Variants in ARID3A observed in about 807,000 individuals in gnomAD.
The protein encoded by ARID3A is AT-rich interactive domain-containing protein 3A.
A neutral mutation model predicts 52.7 loss-of-function variants in ARID3A; 11 were observed. That is an observed-to-expected ratio of 0.21 (90% confidence interval 0.13 to 0.35). The LOEUF is 0.35. Ranked by LOEUF, ARID3A falls within the 10% of genes least tolerant of loss-of-function variation. ARID3A has a pLI of 1.00. For synonymous variants in ARID3A, 404 were observed against 359.4 expected (o/e 1.12, Z -1.40); for missense variants, 721 against 838.5 (o/e 0.86, Z 1.73).
chr19:968,998 C>T (rs908337131), intron 8 of ARID3A, among the ~76,000 whole-genome samples: 1 of 151,838 alleles, frequency 6.6e-6, no homozygotes, highest in Non-Finnish European at 1.5e-5. Context: ...ATGTATAAGC[C>T]CAGGGGTTAG....
Position 941,128 on chromosome 19 carries a change from C to T in ARID3A, c.693+8386C>T, listed in dbSNP as rs1329252049. Among the ~76,000 whole-genome samples, 1 of 152,198 alleles carries T rather than the reference C, an allele frequency of 6.6e-6. No individual in the cohort carries two copies. Among genetic ancestry groups the T allele is most frequent in the Non-Finnish European group, 1.5e-5 (1 of 68,020 alleles). On this transcript the variant is annotated intron_variant, in intron 3 of 8. Transcript: ENST00000263620. The surrounding 1 kb of genome is among the most constrained non-coding windows in gnomAD (Gnocchi z 6.9). Reference sequence around the variant, plus strand: ...TGGCTGCTGCCAAGCGCCGGCCCCGCCCCATGCTTTCTAATAACACACGCG... The same window carrying T: ...TGGCTGCTGCCAAGCGCCGGCCCCGTCCCATGCTTTCTAATAACACACGCG...
rs577301163 is a variant in ARID3A, at chr19:938,875, C to T, written c.693+6133C>T. On this transcript the variant is annotated intron_variant, in intron 3 of 8. Coordinates refer to ENST00000263620, the MANE Select transcript of ARID3A (RefSeq NM_005224.3). This position sits in a 1 kb window ranked among gnomAD's most constrained non-coding sequence, Gnocchi z 4.0. ...TTTGGTCTTTTTTTGGTCTTTTCAGCTCATTTGTTTTTTTTAATTGTGGAA... is the reference window on the plus strand; with the variant it reads ...TTTGGTCTTTTTTTGGTCTTTTCAGTTCATTTGTTTTTTTTAATTGTGGAA... 6.6e-6 allele frequency among the ~76,000 whole-genome samples: 1 copy of T among 151,718 alleles called. No individual in the cohort carries two copies. Among genetic ancestry groups the T allele is most frequent in the Admixed American group, 6.6e-5 (1 of 15,254 alleles).
At chr19:969,581 G>C (rs1045495695) in intron 8 of ARID3A, among the ~76,000 whole-genome samples, 2 of 151,332 alleles carry the variant, frequency 1.3e-5, no homozygotes, top group African/African-American at 4.9e-5. Flanking sequence ...GATAGATATA[G>C]CTGTAGCTAT....
chr19:927,357 T>TTA (rs1555724866), intron 1 of ARID3A, among the ~76,000 whole-genome samples: 2 of 149,704 alleles, frequency 1.3e-5, no homozygotes, highest in Non-Finnish European at 3.0e-5. Context: ...AGTTTAGGGT[T>TTA]ATGGCGGCGA....
chr19:962,513 C>CTTTTTTTTTT (rs539409112), intron 4 of ARID3A, among the ~76,000 whole-genome samples: 1 of 115,282 alleles, frequency 8.7e-6, no homozygotes, highest in Non-Finnish European at 1.7e-5. Flanking sequence ...GCTGCTGATC[C>CTTTTTTTTTT]TTTTTTTTTT....
intron 3 of ARID3A, among the ~76,000 whole-genome samples, chr19:948,642 A>G (rs987537383): frequency 6.7e-6 from 1 of 150,212 alleles, no homozygotes. Context: ...TCATCTGTCC[A>G]GCTGTTCATT....
chr19:968,148 CAA>C (rs776586805), intron 7 of ARID3A, among the ~76,000 whole-genome samples: 2 of 151,742 alleles, frequency 1.3e-5, no homozygotes, highest in Non-Finnish European at 2.9e-5. Context: ...ATCACGAGGT[CAA>C]GAGATCGAGA....
At chr19:932,818 C>T in intron 3 of ARID3A, 76 bp downstream of exon 3, 1 of 1,537,734 alleles carries the variant, frequency 6.5e-7, no homozygotes, top group Non-Finnish European at 8.7e-7. Context: ...GCCCACGTTG[C>T]ACGGGGTGTG....
chr19:967,420 G>A (rs1015421486), intron 7 of ARID3A, among the ~76,000 whole-genome samples: 1 of 151,982 alleles, frequency 6.6e-6, no homozygotes, highest in South Asian at 2.1e-4. Context: ...TTAGCTGGGC[G>A]TGGTGACACG....
At position 950,603 on chromosome 19, in the gene ARID3A, C is replaced by T. The variant is rs143523468; in HGVS notation, c.694-9489C>T. Among the ~76,000 whole-genome samples the T allele has an allele frequency of 2.6e-5, 4 of 152,288 alleles. No individual in the cohort carries two copies. The South Asian group carries it at 6.2e-4, about 24-fold the overall frequency. On this transcript the variant is annotated intron_variant, in intron 3 of 8. Coordinates refer to ENST00000263620, the MANE Select transcript of ARID3A (RefSeq NM_005224.3). ...GGCAGGCAGGGAGTTGGGCTTTCTTCTGGGAGCAGTAGGGAGCCACGGTTG... is the reference window on the plus strand; with the variant it reads ...GGCAGGCAGGGAGTTGGGCTTTCTTTTGGGAGCAGTAGGGAGCCACGGTTG...
Position 975,478 on chromosome 19 carries a change from AT to A in ARID3A, c.*3420del. 1 of 227,682 alleles carries A rather than the reference AT, an allele frequency of 4.4e-6. No individual in the cohort carries two copies. The highest frequency in any genetic ancestry group is 8.7e-6 in the Non-Finnish European group (1 of 114,644). The allele number at this position is 227,682 out of a possible 1,614,324, so 14.1% of individuals were successfully genotyped here. ...CTTTTTTCCCCAATTGTGCTTTTGC[AT>A]TTTTTTCCTTGGCAAATGTAAACTC... is the stretch of plus-strand genomic sequence containing the variant. On this transcript the variant is annotated 3_prime_UTR_variant, in exon 9 of 9. Transcript: ENST00000263620.
intron 3 of ARID3A, among the ~76,000 whole-genome samples, chr19:955,373 G>T (rs1414223644): frequency 6.6e-6 from 1 of 152,160 alleles, no homozygotes; most frequent in African/African-American, 2.4e-5. Flanking sequence ...CGCCTCCCCC[G>T]CCAGCAGCTG....
intron 2 of ARID3A, among the ~76,000 whole-genome samples, chr19:931,881 C>T (rs1483172010): frequency 6.7e-6 from 1 of 149,136 alleles, no homozygotes; most frequent in East Asian, 1.9e-4. Context: ...GGGGCAGTGG[C>T]GAGGGTGGGG....
At chr19:940,420 C>G (rs1443425869) in intron 3 of ARID3A, among the ~76,000 whole-genome samples, 1 of 151,658 alleles carries the variant, frequency 6.6e-6, no homozygotes, top group South Asian at 2.1e-4. Flanking sequence ...GAGGGGTGGG[C>G]AGAGCTTGAG....
chr19:958,607 G>A (rs554090409), intron 3 of ARID3A, among the ~76,000 whole-genome samples: 12 of 151,930 alleles, frequency 7.9e-5, no homozygotes, highest in African/African-American at 2.9e-4. Flanking sequence ...CACAGGATTA[G>A]AATTCCATAT....
Position 964,459 on chromosome 19 carries a change from C to A in ARID3A, c.950+28C>A. 6.5e-7 allele frequency: 1 copy of A among 1,545,728 alleles called. No homozygotes were observed. Among genetic ancestry groups the A allele is most frequent in the South Asian group, 1.2e-5 (1 of 83,890 alleles). On this transcript the variant is annotated intron_variant, in intron 5 of 8. Coordinates refer to ENST00000263620, the MANE Select transcript of ARID3A (RefSeq NM_005224.3). The surrounding 1 kb of genome is among the most constrained non-coding windows in gnomAD (Gnocchi z 5.7). ...GAGTGGCGGACGGTTGTGCCGAGGTCGGGCCAGGGCACTCTGAGCAGCCAG... is the reference window on the plus strand; with the variant it reads ...GAGTGGCGGACGGTTGTGCCGAGGTAGGGCCAGGGCACTCTGAGCAGCCAG...
chr19:958,352 C>T (rs1390016716), intron 3 of ARID3A, among the ~76,000 whole-genome samples: 67 of 143,978 alleles, frequency 4.7e-4, no homozygotes, highest in Non-Finnish European at 7.3e-4. Context: ...GGCGTGAACC[C>T]GGGAGGTGGA....
At chr19:932,980 G>T (rs2037365139) in intron 3 of ARID3A, among the ~76,000 whole-genome samples, 1 of 152,196 alleles carries the variant, frequency 6.6e-6, no homozygotes. Context: ...AGAAACCTGG[G>T]GGGCTCCACG....
Position 944,264 on chromosome 19 carries a change from C to G in ARID3A, c.693+11522C>G, listed in dbSNP as rs374579079. Among the ~76,000 whole-genome samples, 2 of 151,892 alleles carry G rather than the reference C, an allele frequency of 1.3e-5. No individual in the cohort carries two copies. The highest frequency in any genetic ancestry group is 1.3e-4 in the Admixed American group (2 of 15,264). ...AGCGCGGTGGAGGGCGGGCCTGTCTCGCCGTTATCTCCCAGGCGTGTCTGC... is the reference window on the plus strand; with the variant it reads ...AGCGCGGTGGAGGGCGGGCCTGTCTGGCCGTTATCTCCCAGGCGTGTCTGC... On this transcript the variant is annotated intron_variant, in intron 3 of 8. Transcript: ENST00000263620. The surrounding 1 kb of genome is among the most constrained non-coding windows in gnomAD (Gnocchi z 5.9).
Sources: allele counts gnomAD v4.1 joint callset (sites outside exome capture counted in the v4.1 genomes callset), GRCh38; gene constraint gnomAD v4.1.1; non-coding constraint Gnocchi (gnomAD v3.1); transcripts MANE v1.5; gene names NCBI Gene and HGNC (gene_info 2026-07-23, HGNC 2026-07-21).